The following CACNB4 variants were observed in gnomAD, a reference collection of about 807,000 sequenced individuals.
CACNB4 encodes calcium voltage-gated channel auxiliary subunit beta 4.
A neutral mutation model predicts 71.2 loss-of-function variants in CACNB4; 32 were observed. The ratio of observed to expected loss-of-function variants is 0.45; its 90% CI spans 0.34 to 0.60. CACNB4 has a LOEUF of 0.60. CACNB4 is among the 20% of genes least tolerant of loss of function. CACNB4 has a pLI of 0.01. For synonymous variants in CACNB4, 231 were observed against 236.9 expected (o/e 0.97, Z 0.23); for missense variants, 464 against 647.9 (o/e 0.72, Z 3.08).
chr2:152,097,066 C>A (rs13415898), intron 2 of CACNB4, among the ~76,000 whole-genome samples: 10,612 of 152,168 alleles, frequency 0.07, 904 homozygotes, highest in African/African-American at 0.2. Context: ...ATAGAATGCA[C>A]TTTTAGAATG....
At chr2:152,055,075 A>T (rs6433803) in intron 2 of CACNB4, among the ~76,000 whole-genome samples, 1 of 152,226 alleles carries the variant, frequency 6.6e-6, no homozygotes, top group East Asian at 1.9e-4. Flanking sequence ...GCAGTGGCAC[A>T]ATCTCAGCTC....
Position 151,838,731 on chromosome 2 carries a change from T to G in CACNB4, c.*388A>C, listed in dbSNP as rs1362717476. On this transcript the variant is annotated 3_prime_UTR_variant, in exon 14 of 14. Transcript: ENST00000539935. ...TGCTCAAGTAGACTTTCTAGTCAAT[T>G]CACCCAAATTCCAACAGGAATTGGT... 6.4e-6 allele frequency: 1 copy of G among 155,162 alleles called. No individual in the cohort carries two copies. The allele number at this position is 155,162 out of a possible 1,614,324, so 9.6% of individuals were successfully genotyped here.
chr2:151,875,784 G>C (rs1158530625), intron 5 of CACNB4, among the ~76,000 whole-genome samples: 1 of 120,546 alleles, frequency 8.3e-6, no homozygotes, highest in Non-Finnish European at 1.8e-5. Flanking sequence ...CGGGGCGGCT[G>C]GCCGGGCAGG....
chr2:151,892,618 A>C (rs1435501101), intron 2 of CACNB4, among the ~76,000 whole-genome samples: 1 of 152,220 alleles, frequency 6.6e-6, no homozygotes, highest in Non-Finnish European at 1.5e-5. Flanking sequence ...GCCATCAAAA[A>C]CAGAAGGAGA....
chr2:152,067,389 G>A (rs1380025733), intron 2 of CACNB4, among the ~76,000 whole-genome samples: 1 of 131,752 alleles, frequency 7.6e-6, no homozygotes, highest in Admixed American at 7.3e-5. Context: ...GTGTGTGTGT[G>A]GGGGGGGGGG....
At chr2:151,877,575 G>A (rs2099846766) in intron 4 of CACNB4, among the ~76,000 whole-genome samples, 1 of 152,180 alleles carries the variant, frequency 6.6e-6, no homozygotes, top group Non-Finnish European at 1.5e-5. Flanking sequence ...AAAGCTTTCA[G>A]TTAAAAATTC....
At chr2:152,015,491 C>T (rs1423392326) in intron 2 of CACNB4, among the ~76,000 whole-genome samples, 2 of 152,182 alleles carry the variant, frequency 1.3e-5, no homozygotes, top group Non-Finnish European at 2.9e-5. Context: ...CCCTATGGCA[C>T]ATCTTCTTAG....
chr2:152,000,763 A>ACTCTCCCCT (rs1682346847), intron 2 of CACNB4, among the ~76,000 whole-genome samples: 1 of 151,842 alleles, frequency 6.6e-6, no homozygotes, highest in Admixed American at 6.6e-5. Flanking sequence ...CTCTGTACCT[A>ACTCTCCCCT]CTCTCCCCTC....
intron 2 of CACNB4, among the ~76,000 whole-genome samples, chr2:151,953,512 T>C (rs2099867455): frequency 6.6e-6 from 1 of 152,204 alleles, no homozygotes; most frequent in Non-Finnish European, 1.5e-5. Context: ...TTTTTATGCC[T>C]AGAAAATGTG....
chr2:152,018,283 G>A (rs565477493), intron 2 of CACNB4, among the ~76,000 whole-genome samples: 13 of 152,236 alleles, frequency 8.5e-5, no homozygotes, highest in African/African-American at 2.9e-4. Flanking sequence ...AGAAAAGGGA[G>A]GGAGGAGGCA....
At chr2:151,846,349 T>C (rs181623784) in intron 12 of CACNB4, among the ~76,000 whole-genome samples, 393 of 152,320 alleles carry the variant, frequency 2.6e-3, no homozygotes, top group Middle Eastern at 6.8e-3. Context: ...AGGGAAGATA[T>C]ATAAAGACAC....
chr2:151,912,580 T>G (rs561335541), intron 2 of CACNB4, among the ~76,000 whole-genome samples: 59 of 152,316 alleles, frequency 3.9e-4, no homozygotes, highest in African/African-American at 1.4e-3. Context: ...GTGTTTTACT[T>G]CCAATTATGT....
At chr2:151,994,064 T>A (rs1432384503) in intron 2 of CACNB4, among the ~76,000 whole-genome samples, 2 of 151,732 alleles carry the variant, frequency 1.3e-5, no homozygotes, top group Admixed American at 6.6e-5. Flanking sequence ...CTCAGCTACT[T>A]GGGAGGCTGA....
chr2:152,044,046 AT>A (rs1182463056), intron 2 of CACNB4, among the ~76,000 whole-genome samples: 1 of 152,214 alleles, frequency 6.6e-6, no homozygotes, highest in East Asian at 1.9e-4. Flanking sequence ...TCTCTTAAAA[AT>A]TTTTTTCAAA....
chr2:152,045,421 C>T (rs183217552), intron 2 of CACNB4, among the ~76,000 whole-genome samples: 13 of 152,184 alleles, frequency 8.5e-5, no homozygotes, highest in African/African-American at 3.1e-4. Context: ...TAAGCAGTCA[C>T]AAAAGGACAA....
chr2:152,049,176 T>C (rs2105283007), intron 2 of CACNB4, among the ~76,000 whole-genome samples: 1 of 137,890 alleles, frequency 7.3e-6, no homozygotes, highest in South Asian at 2.1e-4. Flanking sequence ...TTTTTTAAAC[T>C]TTTTTTTGTT....
At chr2:151,944,622 T>C (rs1191903805) in intron 2 of CACNB4, among the ~76,000 whole-genome samples, 1 of 152,042 alleles carries the variant, frequency 6.6e-6, no homozygotes, top group Non-Finnish European at 1.5e-5. Context: ...AGAAACTCCA[T>C]CTCAACTTAA....
chr2:151,896,572 T>C (rs1322527761), intron 2 of CACNB4, among the ~76,000 whole-genome samples: 1 of 152,144 alleles, frequency 6.6e-6, no homozygotes, highest in Non-Finnish European at 1.5e-5. Context: ...CCCATCAGCA[T>C]GGAACAACCC....
At chr2:151,917,043 C>T (rs2099857711) in intron 2 of CACNB4, among the ~76,000 whole-genome samples, 1 of 152,162 alleles carries the variant, frequency 6.6e-6, no homozygotes, top group African/African-American at 2.4e-5. Context: ...TATTTAGAAA[C>T]ATGTTTGTGT....
Sources: gnomAD v4.1 joint callset for allele counts (sites outside exome capture counted in the v4.1 genomes callset) on GRCh38, gnomAD v4.1.1 for gene constraint, MANE v1.5 for transcripts, NCBI Gene and HGNC (gene_info 2026-07-23, HGNC 2026-07-21) for gene names.